Variants in GSN observed in about 807,000 individuals in gnomAD.
The protein encoded by GSN is gelsolin, also known as actin-depolymerizing factor.
Under a neutral mutation model 85.7 loss-of-function variants are expected in GSN, and 56 were observed. The ratio of observed to expected loss-of-function variants is 0.65; its 90% CI spans 0.53 to 0.82. The LOEUF (loss-of-function observed/expected upper bound fraction) is 0.82, where lower values mean the gene tolerates loss of function less well. GSN is among the 40% of genes least tolerant of loss of function. The pLI, the probability that GSN is intolerant of heterozygous loss-of-function variation, is 0.00. For missense variants in GSN, 857 were observed against 979.8 expected (o/e 0.87, Z 1.67); for synonymous variants, 373 against 399.1 (o/e 0.93, Z 0.78).
Position 121,314,004 on chromosome 9 carries a change from A to G in GSN, c.734A>G (p.Lys245Arg). Residue 245 changes from lysine to arginine, a missense_variant, in exon 7 of 18, where the codon AAG (lysine) becomes AGG (arginine). Coordinates refer to ENST00000432226, the MANE Select transcript of GSN (RefSeq NM_198252.3). ...DTAKEDAANRKLAKLYKVSNG... is the reference protein window; with the variant it reads ...DTAKEDAANRRLAKLYKVSNG... ...GCCAAGGAGGATGCGGCCAACCGCA[A>G]GCTGGCCAAGCTCTACAAGGTGAGC... 6.2e-7 allele frequency: 1 copy of G among 1,613,854 alleles called. No individual in the cohort carries two copies. The highest frequency in any genetic ancestry group is 8.5e-7 in the Non-Finnish European group (1 of 1,179,698).
At chr9:121,288,207 C>T (rs2058345392) in intron 2 of GSN, among the ~76,000 whole-genome samples, 1 of 152,172 alleles carries the variant, frequency 6.6e-6, no homozygotes, top group East Asian at 1.9e-4. Context: ...GGATTATAGG[C>T]ATGAGCCACC....
In GSN at chr9:121,318,895, T is replaced by C. The variant is rs757625972; in HGVS notation, c.1191+15T>C. On this transcript the variant is annotated intron_variant, in intron 10 of 17. Coordinates refer to ENST00000432226, the MANE Select transcript of GSN (RefSeq NM_198252.3). The surrounding 1 kb of genome is among the most constrained non-coding windows in gnomAD (Gnocchi z 4.3). ...GCCAGAAACAGGTACGTTTAGGGCGTGGGGTGGGTGTGTCCAGGCCCCTCC... is the reference window on the plus strand; with the variant it reads ...GCCAGAAACAGGTACGTTTAGGGCGCGGGGTGGGTGTGTCCAGGCCCCTCC... The C allele has an allele frequency of 1.3e-6, 2 of 1,598,970 alleles. No homozygotes were observed. Among genetic ancestry groups the C allele is most frequent in the Middle Eastern group, 1.7e-4 (1 of 5,948 alleles).
At chr9:121,226,782 G>C (rs946122556) in intron 4 of GSN, among the ~76,000 whole-genome samples, 1 of 152,184 alleles carries the variant, frequency 6.6e-6, no homozygotes, top group Non-Finnish European at 1.5e-5. Flanking sequence ...TTGGGCTCCC[G>C]GATGGGGGCT....
chr9:121,322,377 A>C lies in GSN; in HGVS notation c.1325+976A>C, dbSNP rs191232089. On this transcript the variant is annotated intron_variant, in intron 11 of 17. Transcript: ENST00000432226. ...GTACATAGAGACAGAGAGCTTTCTCATTCTTTTTTACAGTTGCATAATAGT... is the reference window on the plus strand; with the variant it reads ...GTACATAGAGACAGAGAGCTTTCTCCTTCTTTTTTACAGTTGCATAATAGT... Among the ~76,000 whole-genome samples, 4 of 152,312 alleles carry C rather than the reference A, an allele frequency of 2.6e-5. No individual in the cohort carries two copies. The East Asian group carries it at 7.7e-4, about 29-fold the overall frequency.
chr9:121,331,576 T>G, intron 17 of GSN, 128 bp downstream of exon 17: 1 of 654,690 alleles, frequency 1.5e-6, no homozygotes, highest in East Asian at 2.8e-5. Flanking sequence ...GGGTGGGGAC[T>G]TCCTCCTCTG....
intron 4 of GSN, among the ~76,000 whole-genome samples, chr9:121,214,245 TTC>T (rs1205242839): frequency 3.3e-5 from 5 of 151,830 alleles, no homozygotes; most frequent in Middle Eastern, 3.4e-3. Context: ...TTCTCCTTCC[TTC>T]TCTCTCTTTC....
intron 10 of GSN, 128 bp downstream of exon 10, chr9:121,319,008 GTTAC>G: frequency 1.3e-6 from 1 of 790,578 alleles, no homozygotes; most frequent in Non-Finnish European, 2.1e-6. Context: ...ATTCTTTGGT[GTTAC>G]TTAGTTTTTA....
At chr9:121,218,605 A>G (rs2054111665) in intron 4 of GSN, among the ~76,000 whole-genome samples, 1 of 152,234 alleles carries the variant, frequency 6.6e-6, no homozygotes, top group Admixed American at 6.5e-5. Context: ...ACTGCACTCC[A>G]GCCTAGGTAA....
rs1431800771 is a variant in GSN at position 121,282,040 on chromosome 9, G to T, written c.-10+478G>T. On this transcript the variant is annotated intron_variant, in intron 2 of 17. Transcript: ENST00000432226. ...TGAGGTGTGTGAGTCATGGGGAAGCGGATGAGTCATGCCCGCTGGGGCCAG... is the reference window on the plus strand; with the variant it reads ...TGAGGTGTGTGAGTCATGGGGAAGCTGATGAGTCATGCCCGCTGGGGCCAG... 8 of 476,002 alleles carry T rather than the reference G, an allele frequency of 1.7e-5. No homozygotes were observed. In the East Asian group the frequency reaches 4.8e-4, roughly 28 times the overall value. The allele number at this position is 476,002 out of a possible 1,614,324, so 29.5% of individuals were successfully genotyped here.
chr9:121,312,584 A>T, intron 6 of GSN, 96 bp downstream of exon 6: 1 of 986,450 alleles, frequency 1.0e-6, no homozygotes, highest in Non-Finnish European at 1.5e-6. Context: ...TGAGGAAAAA[A>T]AAAAACTTCC....
At chr9:121,297,244 T>A (rs1392948320) in intron 2 of GSN, among the ~76,000 whole-genome samples, 1 of 152,262 alleles carries the variant, frequency 6.6e-6, no homozygotes, top group Admixed American at 6.5e-5. Context: ...AAGTTTCAAA[T>A]GCTACGGCAA....
intron 1 of GSN, among the ~76,000 whole-genome samples, chr9:121,273,149 C>T (rs943520541): frequency 3.9e-5 from 6 of 152,172 alleles, no homozygotes; most frequent in East Asian, 1.9e-4. Context: ...CATGGAGCCT[C>T]GCAGGGAACT....
In GSN at chr9:121,313,962, C is replaced by T. The variant is rs754268709; in HGVS notation, c.692C>T (p.Ala231Val). The change falls in exon 7 of 18, where the codon GCA becomes GTA. Residue 231 changes from alanine (A) to valine (V), a missense_variant. By Grantham distance (64) the Ala-to-Val change is moderately conservative (BLOSUM62 0). Coordinates refer to ENST00000432226, the MANE Select transcript of GSN (RefSeq NM_198252.3). ...QVLGPKPALP[A>V]GTEDTAKEDA... ...CTGGGCCCCAAGCCGGCTCTGCCTG[C>T]AGGTACCGAGGACACCGCCAAGGAG... The T allele has an allele frequency of 1.1e-5, 18 of 1,614,056 alleles. No homozygotes were observed. The Admixed American group carries it at 3.0e-4, about 27-fold the overall frequency.
intron 2 of GSN, among the ~76,000 whole-genome samples, chr9:121,287,073 G>C (rs1198121567): frequency 1.3e-5 from 2 of 152,182 alleles, no homozygotes; most frequent in Non-Finnish European, 2.9e-5. Context: ...AAGTCTTGGA[G>C]CCTCCGACTC....
rs1316529587 is a variant in GSN, at chr9:121,326,631, C to T, written c.1536C>T (p.Thr512=). 2.5e-6 allele frequency: 4 copies of T among 1,607,792 alleles called. No individual in the cohort carries two copies. Among genetic ancestry groups the T allele is most frequent in the Admixed American group, 3.4e-5 (2 of 59,086 alleles). ...REGGQTAPAS[T]RLFQVRANSA... is the part of the protein sequence containing the mutation. ...GCGGGCAGACAGCCCCTGCCAGCAC[C>T]CGCCTCTTCCAGGTCCGCGCCAACA... Residue 512 remains threonine, a synonymous_variant, in exon 13 of 18, where the codon ACC becomes ACT. Transcript: ENST00000432226.
intron 2 of GSN, among the ~76,000 whole-genome samples, chr9:121,298,592 C>G (rs756760187): frequency 6.6e-6 from 1 of 152,076 alleles, no homozygotes; most frequent in Admixed American, 6.5e-5. Flanking sequence ...ACCCACAGAC[C>G]GATTTAATTC....
At chr9:121,275,793 A>G (rs767137774) in intron 1 of GSN, among the ~76,000 whole-genome samples, 14 of 152,264 alleles carry the variant, frequency 9.2e-5, no homozygotes, top group Non-Finnish European at 1.5e-4. Context: ...ATAGATTTAA[A>G]TTGCATTTTA....
intron 11 of GSN, among the ~76,000 whole-genome samples, chr9:121,321,641 C>T (rs912181534): frequency 6.6e-6 from 1 of 152,248 alleles, no homozygotes; most frequent in African/African-American, 2.4e-5. Flanking sequence ...AACAGAACAT[C>T]TCCCACAAAT....
At chr9:121,298,865 C>T (rs1291004164) in intron 2 of GSN, among the ~76,000 whole-genome samples, 4 of 152,064 alleles carry the variant, frequency 2.6e-5, no homozygotes, top group African/African-American at 9.7e-5. Context: ...TTCCCTTAAC[C>T]CAATGACTCT....
Sources: gnomAD v4.1 joint callset for allele counts (sites outside exome capture counted in the v4.1 genomes callset) on GRCh38, gnomAD v4.1.1 for gene constraint, Gnocchi (gnomAD v3.1) non-coding constraint, MANE v1.5 for transcripts, NCBI Gene and HGNC (gene_info 2026-07-23, HGNC 2026-07-21) for gene names.